Variants in LIX1L observed in about 807,000 individuals in gnomAD.
The protein encoded by LIX1L is LIX1-like protein.
LIX1L carries 20 observed loss-of-function variants against 34.0 expected under a neutral mutation model. The ratio of observed to expected loss-of-function variants is 0.59; its 90% CI spans 0.41 to 0.85. The LOEUF (loss-of-function observed/expected upper bound fraction) is 0.85. Ranked by LOEUF, LIX1L falls within the 40% of genes least tolerant of loss-of-function variation. The probability of loss-of-function intolerance (pLI) is 0.00; values close to 1 mark genes in which losing one functional copy is unlikely to be tolerated. For missense variants in LIX1L, 397 were observed against 447.0 expected, an observed-to-expected ratio of 0.89 and a Z score of 1.01; for synonymous variants, 170 against 187.4, an observed-to-expected ratio of 0.91 and a Z score of 0.76.
At chr1:145,950,270 G>A (rs587722344) in intron 1 of LIX1L, 1 of 152,440 alleles carries the variant, frequency 6.6e-6, no homozygotes, top group Non-Finnish European at 1.5e-5. Context: ...ACAACAGGGA[G>A]AGCCTTCTGA....
Position 145,936,494 on chromosome 1 carries a change from G to C in LIX1L, c.830C>G (p.Ala277Gly), listed in dbSNP as rs1648649798. The C allele has an allele frequency of 1.2e-6, 2 of 1,614,010 alleles. No individual in the cohort carries two copies. Residue 277 changes from alanine (A) to glycine (G), a missense_variant, in exon 6 of 6, where the codon GCC becomes GGC. By Grantham distance (60) the Ala-to-Gly change is moderately conservative. Transcript: ENST00000604000. ...CTGCTCCCGGCTCACCCAGTCCAAGGCCATTTGGTGGCGAATATCATCATC... is the reference window on the plus strand; with the variant it reads ...CTGCTCCCGGCTCACCCAGTCCAAGCCCATTTGGTGGCGAATATCATCATC... Reference protein sequence around the residue: ...ALDDDIRHQMALDWVSREQSV... With the variant: ...ALDDDIRHQMGLDWVSREQSV...
At chr1:145,945,955 T>A (rs1383147986) in intron 2 of LIX1L, among the ~76,000 whole-genome samples, 13 of 133,902 alleles carry the variant, frequency 9.7e-5, no homozygotes, top group South Asian at 2.4e-4. Context: ...AAAAAAAAAA[T>A]TAGCTAGGCG....
intron 2 of LIX1L, chr1:145,947,146 G>A (rs1649139524): frequency 6.5e-6 from 1 of 154,362 alleles, no homozygotes; most frequent in South Asian, 2.0e-4. Context: ...TCAGAAGAAT[G>A]TAAATTTGGA....
chr1:145,948,537 G>A lies in LIX1L; in HGVS notation c.293-755C>T, dbSNP rs1308457139. Among the ~76,000 whole-genome samples the A allele has an allele frequency of 2.0e-5, 3 of 152,176 alleles. No homozygotes were observed. The highest frequency in any genetic ancestry group is 7.2e-5 in the African/African-American group (3 of 41,436). ...TTCCTTTTCCAACCCAGAATACTAT[G>A]TACATACTACGAGTGAGAGAAGCCA... On this transcript the variant is annotated intron_variant, in intron 1 of 5. Transcript: ENST00000604000. This position sits in a 1 kb window ranked among gnomAD's most constrained non-coding sequence, Gnocchi z 4.0.
intron 2 of LIX1L, among the ~76,000 whole-genome samples, chr1:145,946,723 G>A (rs74119671): frequency 0.036 from 5,483 of 152,272 alleles, 369 homozygotes; most frequent in African/African-American, 0.13. Context: ...TCCACTAGGA[G>A]AGACAAACAA....
In LIX1L at chr1:145,957,621, G is replaced by A; in HGVS notation, c.292+15C>T. ...ACAGAGGGTGTCGCGCAGGAGGCCA[G>A]ACCCGCAGACTCACCTCGGCCATAG... On this transcript the variant is annotated intron_variant, in intron 1 of 5. Transcript: ENST00000604000. 2 of 1,509,196 alleles carry A rather than the reference G, an allele frequency of 1.3e-6. No individual in the cohort carries two copies. The allele number at this position is 1,509,196 out of a possible 1,614,324, so 93.5% of individuals were successfully genotyped here. A position where few individuals can be genotyped will look rare whatever the true frequency, so the allele number is the denominator to read the frequency against.
Position 145,957,974 on chromosome 1 carries a change from G to A in LIX1L, c.-47C>T, listed in dbSNP as rs778261528. 3 of 1,343,340 alleles carry A rather than the reference G, an allele frequency of 2.2e-6. No homozygotes were observed. The highest frequency in any genetic ancestry group is 2.9e-6 in the Non-Finnish European group (3 of 1,026,490). The allele number at this position is 1,343,340 out of a possible 1,614,324, so 83.2% of individuals were successfully genotyped here. ...GCCCCGGAGCCTGCCAGCCTGCCGA[G>A]CTAACGGTCCCAACCACCCCAGTCA... On this transcript the variant is annotated 5_prime_UTR_variant, in exon 1 of 6. Transcript: ENST00000604000.
At chr1:145,951,291 C>A (rs782053328) in intron 1 of LIX1L, among the ~76,000 whole-genome samples, 2 of 152,196 alleles carry the variant, frequency 1.3e-5, no homozygotes, top group Non-Finnish European at 2.9e-5. Flanking sequence ...AGGTGATCCA[C>A]CTGCCTCGGC....
At chr1:145,938,103 CAG>C (rs1444681971) in intron 3 of LIX1L, among the ~76,000 whole-genome samples, 2 of 148,102 alleles carry the variant, frequency 1.4e-5, no homozygotes, top group African/African-American at 2.5e-5. Flanking sequence ...GCCTGGACAA[CAG>C]AGTGAGACTC....
chr1:145,952,045 C>A (rs1649315240), intron 1 of LIX1L, among the ~76,000 whole-genome samples: 1 of 152,146 alleles, frequency 6.6e-6, no homozygotes, highest in Non-Finnish European at 1.5e-5. Flanking sequence ...ATTTTTAGGG[C>A]TGGAAGGAAC....
intron 1 of LIX1L, among the ~76,000 whole-genome samples, chr1:145,949,293 G>A (rs1036726636): frequency 7.2e-5 from 11 of 152,172 alleles, no homozygotes; most frequent in South Asian, 2.1e-4. Context: ...AGATGTCGGC[G>A]TATCTGACCT....
chr1:145,942,884 G>T, intron 2 of LIX1L, 31 bp from the exon 3 acceptor site: 1 of 1,610,534 alleles, frequency 6.2e-7, no homozygotes, highest in Non-Finnish European at 8.5e-7. Context: ...GAGAATATGT[G>T]TATTTGTGCA....
intron 1 of LIX1L, 87 bp from the exon 2 acceptor site, chr1:145,947,869 C>T (rs1222741643): frequency 4.1e-6 from 5 of 1,219,484 alleles, no homozygotes; most frequent in Admixed American, 3.7e-5. Context: ...GTAACCTGTA[C>T]CTACATTAAG....
rs1553758846 is a variant in LIX1L at position 145,942,813 on chromosome 1, T to C, written c.497A>G (p.Lys166Arg). ...AAACACAGAATTCATTAGCGCAATC[T>C]TTGCAGCACTCCTCCGGGCCTCAGC... is the stretch of plus-strand genomic sequence containing the variant. ...TKAEARRSAA[K>R]IALMNSVFNE... The change falls in exon 3 of 6, where the codon AAG becomes AGG. Residue 166 changes from lysine (K) to arginine (R), a missense_variant. By Grantham distance (26) the Lys-to-Arg change is conservative. This residue lies in a region of LIX1L where 16 missense variants were observed against 37.8 expected (regional missense o/e 0.42). Coordinates refer to ENST00000604000, the MANE Select transcript of LIX1L (RefSeq NM_153713.3). 6 of 1,614,096 alleles carry C rather than the reference T, an allele frequency of 3.7e-6. No homozygotes were observed. Among genetic ancestry groups the C allele is most frequent in the Non-Finnish European group, 4.2e-6 (5 of 1,179,986 alleles).
chr1:145,943,836 G>A (rs1192212549), intron 2 of LIX1L, among the ~76,000 whole-genome samples: 1 of 149,616 alleles, frequency 6.7e-6, no homozygotes. Flanking sequence ...AGGAATTCAA[G>A]AATAACCTGG....
Position 145,948,325 on chromosome 1 carries a change from TGAG to T in LIX1L, c.293-546_293-544del, listed in dbSNP as rs1397836994. ...ATCCATATTTTACAGATGAGGGAAATGAGGTACAGAGAAGTTAAATAACTTGCC... is the reference window on the plus strand; with the variant it reads ...ATCCATATTTTACAGATGAGGGAAATGTACAGAGAAGTTAAATAACTTGCC... On this transcript the variant is annotated intron_variant, in intron 1 of 5. Coordinates refer to ENST00000604000, the MANE Select transcript of LIX1L (RefSeq NM_153713.3). The surrounding 1 kb of genome is among the most constrained non-coding windows in gnomAD (Gnocchi z 4.0). 8.5e-5 allele frequency among the ~76,000 whole-genome samples: 13 copies of T among 152,180 alleles called. No homozygotes were observed. The highest frequency in any genetic ancestry group is 2.9e-4 in the African/African-American group (12 of 41,430).
intron 3 of LIX1L, among the ~76,000 whole-genome samples, chr1:145,938,707 C>G (rs782416653): frequency 4.6e-5 from 7 of 151,986 alleles, no homozygotes; most frequent in Non-Finnish European, 1.0e-4. Context: ...CCTGCCTCAG[C>G]CTGCAGAGTA....
intron 3 of LIX1L, among the ~76,000 whole-genome samples, chr1:145,938,511 G>C (rs75221082): frequency 6.6e-6 from 1 of 151,862 alleles, no homozygotes; most frequent in Non-Finnish European, 1.5e-5. Context: ...TGTAAGATGG[G>C]AATAATCATA....
chr1:145,940,539 T>C (rs1320202726), intron 3 of LIX1L, among the ~76,000 whole-genome samples: 1 of 148,828 alleles, frequency 6.7e-6, no homozygotes, highest in Non-Finnish European at 1.5e-5. Flanking sequence ...TTTTTTTTTT[T>C]CCTTTTCTTT....
Sources: allele counts gnomAD v4.1 joint callset (sites outside exome capture counted in the v4.1 genomes callset), GRCh38; gene constraint gnomAD v4.1.1; regional missense constraint gnomAD v4.1.1; non-coding constraint Gnocchi (gnomAD v3.1); transcripts MANE v1.5; gene names NCBI Gene and HGNC (gene_info 2026-07-23, HGNC 2026-07-21).